Variants in LGMN observed in about 807,000 individuals in gnomAD.
LGMN encodes asparaginyl endopeptidase.
LGMN carries 36 observed loss-of-function variants against 56.8 expected under a neutral mutation model. That is an observed-to-expected ratio of 0.63 (90% CI 0.49 to 0.84). The LOEUF is 0.84. LGMN is among the 40% of genes least tolerant of loss of function. The pLI, the probability that LGMN is intolerant of heterozygous loss-of-function variation, is 0.00. For synonymous variants in LGMN, 199 were observed against 210.1 expected, an observed-to-expected ratio of 0.95 and a Z score of 0.46; for missense variants, 446 against 556.1, an observed-to-expected ratio of 0.80 and a Z score of 1.99.
Position 92,704,339 on chromosome 14 carries a change from C to G in LGMN, c.1282G>C (p.Val428Leu), listed in dbSNP as rs772032796. The G allele has an allele frequency of 3.7e-6, 6 of 1,612,708 alleles. No homozygotes were observed. The South Asian group carries it at 6.6e-5, about 18-fold the overall frequency. ...GCTCTTCAGTAGTGACCAAGGCACA[C>G]GTGGTCCATGGACAATTTTATCCTG... ...LHRIKLSMDHVCLGHY is the reference protein window; with the variant it reads ...LHRIKLSMDHLCLGHY The change falls in exon 14 of 14, where the codon GTG (valine) becomes CTG (leucine). Residue 428 changes from valine (V) to leucine (L), a missense_variant. Transcript: ENST00000334869.
chr14:92,706,306 C>T, intron 12 of LGMN, 177 bp downstream of exon 12: 1 of 483,116 alleles, frequency 2.1e-6, no homozygotes, highest in East Asian at 3.2e-5. Context: ...GAAGAGTGTT[C>T]TGGGGCCAAG....
intron 2 of LGMN, 25 bp downstream of exon 2, chr14:92,732,624 A>T: frequency 6.2e-7 from 1 of 1,611,980 alleles, no homozygotes; most frequent in Non-Finnish European, 8.5e-7. Context: ...GTCCTTAACA[A>T]AAAAAAGATT....
intron 1 of LGMN, among the ~76,000 whole-genome samples, chr14:92,748,188 C>T (rs1027464685): frequency 6.6e-6 from 1 of 152,052 alleles, no homozygotes; most frequent in African/African-American, 2.4e-5. Context: ...CAGCAAATCC[C>T]GTCTCCTCCC....
chr14:92,705,514 C>CAAAA (rs1315199362), intron 12 of LGMN, among the ~76,000 whole-genome samples: 2 of 151,066 alleles, frequency 1.3e-5, no homozygotes, highest in African/African-American at 4.9e-5. Context: ...AACAAACAAA[C>CAAAA]AAACAAAAAA....
At position 92,732,718 on chromosome 14, in the gene LGMN, A is replaced by G; in HGVS notation, c.69T>C (p.Pro23=). The G allele has an allele frequency of 6.2e-7, 1 of 1,614,192 alleles. No homozygotes were observed. Among genetic ancestry groups the G allele is most frequent in the Non-Finnish European group, 8.5e-7 (1 of 1,180,028 alleles). Residue 23 remains proline, a synonymous_variant, in exon 2 of 14, where the codon CCT becomes CCC. Coordinates refer to ENST00000334869, the MANE Select transcript of LGMN (RefSeq NM_005606.7). ...CCACCCAGTGCTTGCCTCCATCTTC[A>G]GGATCATCTATAGGAACGGCACCAA... ...LGIGAVPIDD[P]EDGGKHWVVI... is the part of the protein sequence containing the mutation.
At chr14:92,730,081 A>T (rs1012282288) in intron 2 of LGMN, among the ~76,000 whole-genome samples, 1 of 152,248 alleles carries the variant, frequency 6.6e-6, no homozygotes, top group African/African-American at 2.4e-5. Flanking sequence ...GGTTGTATAA[A>T]AATCACGGTG....
chr14:92,719,289 C>T (rs1257529530), intron 2 of LGMN, among the ~76,000 whole-genome samples: 6 of 104,284 alleles, frequency 5.8e-5, no homozygotes, highest in African/African-American at 1.6e-4. Context: ...CCGCCGCCGC[C>T]GCCGCCGCCG....
intron 13 of LGMN, 30 bp from the exon 14 acceptor site, chr14:92,704,391 A>C (rs535921374): frequency 6.4e-7 from 1 of 1,558,626 alleles, no homozygotes; most frequent in South Asian, 1.1e-5. Flanking sequence ...GAACTTGGTG[A>C]ACCGTGTCAA....
chr14:92,709,775 G>A lies in LGMN; in HGVS notation c.917C>T (p.Pro306Leu). 6.2e-7 allele frequency: 1 copy of A among 1,614,140 alleles called. No individual in the cohort carries two copies. Among genetic ancestry groups the A allele is most frequent in the South Asian group, 1.1e-5 (1 of 91,074 alleles). The change falls in exon 11 of 14, where the codon CCC becomes CTC. Residue 306 changes from proline (P) to leucine (L), a missense_variant. Pro to Leu is a moderately conservative substitution (Grantham distance 98). Transcript: ENST00000334869. Reference protein sequence around the residue: ...LPPVTHLDLTPSPDVPLTIMK... With the variant: ...LPPVTHLDLTLSPDVPLTIMK... Reference sequence around the variant, plus strand: ...GATGGTGAGAGGCACATCAGGGCTGGGGGTGAGGTCAAGGTGTGTGACTGG... The same window carrying A: ...GATGGTGAGAGGCACATCAGGGCTGAGGGTGAGGTCAAGGTGTGTGACTGG...
chr14:92,706,167 G>C (rs1889417375), intron 12 of LGMN, among the ~76,000 whole-genome samples: 1 of 152,188 alleles, frequency 6.6e-6, no homozygotes, highest in Admixed American at 6.5e-5. Context: ...TGTGGCTCGT[G>C]TGAGGGGTAG....
chr14:92,719,242 A>ACCACCG (rs1890273576), intron 2 of LGMN, among the ~76,000 whole-genome samples: 1 of 22,802 alleles, frequency 4.4e-5, no homozygotes. Flanking sequence ...CACCGCCACC[A>ACCACCG]CCGCCACCAC....
At chr14:92,705,523 A>AAAT (rs1889386324) in intron 12 of LGMN, among the ~76,000 whole-genome samples, 1 of 152,114 alleles carries the variant, frequency 6.6e-6, no homozygotes, top group African/African-American at 2.4e-5. Context: ...ACAAACAAAA[A>AAAT]AAACAAGACT....
intron 1 of LGMN, among the ~76,000 whole-genome samples, chr14:92,747,779 C>T (rs553172883): frequency 1.3e-5 from 2 of 152,334 alleles, no homozygotes; most frequent in South Asian, 4.1e-4. Context: ...GGCTAGTCAA[C>T]TACCCTGGGC....
rs542274633 is a variant in LGMN, at chr14:92,739,610, T to C, written c.-29-6795A>G. 2.6e-3 allele frequency among the ~76,000 whole-genome samples: 402 copies of C among 152,152 alleles called. 1 individual carries two copies. The highest frequency in any genetic ancestry group is 8.0e-3 in the African/African-American group (333 of 41,506). The stretch of plus-strand genomic sequence containing the variant: ...CCATTTAAAAACATAGGTTGTCAGA[T>C]AGTGATGACAGTGATGGACAAAAAT... On this transcript the variant is annotated intron_variant, in intron 1 of 13. Transcript: ENST00000334869.
chr14:92,727,530 G>C lies in LGMN; in HGVS notation c.138+5119C>G, dbSNP rs562302660. The stretch of plus-strand genomic sequence containing the variant: ...GTCTCCACACTCTTTCAAACCACCA[G>C]GGAGGGCTCTGGTACATGCACTTGA... On this transcript the variant is annotated intron_variant, in intron 2 of 13. Transcript: ENST00000334869. Among the ~76,000 whole-genome samples the C allele has an allele frequency of 2.0e-5, 3 of 151,624 alleles. No homozygotes were observed. The East Asian group carries it at 5.8e-4, about 29-fold the overall frequency.
chr14:92,736,451 CTGGGCG>C (rs1891311144), intron 1 of LGMN, among the ~76,000 whole-genome samples: 1 of 152,034 alleles, frequency 6.6e-6, no homozygotes, highest in South Asian at 2.1e-4. Context: ...CAAAATTTAG[CTGGGCG>C]TGGTGGCGCA....
chr14:92,734,784 T>C (rs1242103), intron 1 of LGMN, among the ~76,000 whole-genome samples: 117,400 of 152,218 alleles, frequency 0.77, 46,198 homozygotes, highest in African/African-American at 0.93. Flanking sequence ...GAAAAATATA[T>C]AGTCACTGAG....
At chr14:92,727,756 T>C (rs991375259) in intron 2 of LGMN, among the ~76,000 whole-genome samples, 1 of 152,164 alleles carries the variant, frequency 6.6e-6, no homozygotes, top group African/African-American at 2.4e-5. Context: ...ACCCGGCAAC[T>C]GGAGCTGCTG....
chr14:92,738,213 A>C lies in LGMN; in HGVS notation c.-29-5398T>G, dbSNP rs1891388540. Among the ~76,000 whole-genome samples the C allele has an allele frequency of 3.3e-5, 5 of 152,076 alleles. No individual in the cohort carries two copies. In the South Asian group the frequency reaches 1.0e-3, roughly 32 times the overall value. On this transcript the variant is annotated intron_variant, in intron 1 of 13. Transcript: ENST00000334869. ...TTGGTTATTTTTACAAAATCGAGTT[A>C]ATCCTTCATTCTTCTAATCCTCTGT...
Sources: allele counts gnomAD v4.1 joint callset (sites outside exome capture counted in the v4.1 genomes callset), GRCh38; gene constraint gnomAD v4.1.1; transcripts MANE v1.5; gene names NCBI Gene and HGNC (gene_info 2026-07-23, HGNC 2026-07-21).